Variants in CHST3 observed in about 807,000 individuals in gnomAD.
The protein encoded by CHST3 is C6ST-1.
A neutral mutation model predicts 35.4 loss-of-function variants in CHST3; 20 were observed. That is an observed-to-expected ratio of 0.57 (90% CI 0.40 to 0.82). The LOEUF (loss-of-function observed/expected upper bound fraction) is 0.82, where lower values mean the gene tolerates loss of function less well. Among genes scored for constraint, CHST3 ranks in the 40% least tolerant of loss-of-function variants. The pLI, the probability that CHST3 is intolerant of heterozygous loss-of-function variation, is 0.00. For missense variants in CHST3, 693 were observed against 670.1 expected (o/e 1.03, Z -0.38); for synonymous variants, 334 against 295.9 (o/e 1.13, Z -1.32).
intron 1 of CHST3, among the ~76,000 whole-genome samples, chr10:71,971,495 C>G (rs1309069318): frequency 1.3e-5 from 2 of 152,194 alleles, no homozygotes; most frequent in Non-Finnish European, 2.9e-5. Flanking sequence ...GTGCCTGTGC[C>G]AGCCCCAGCC....
At chr10:71,991,762 G>A (rs963903723) in intron 1 of CHST3, among the ~76,000 whole-genome samples, 8 of 152,046 alleles carry the variant, frequency 5.3e-5, no homozygotes, top group East Asian at 3.9e-4. Context: ...GTGAAACCCC[G>A]TCACTACTAA....
rs781152270 is a variant in CHST3, at chr10:72,008,239, A to G, written c.1208A>G (p.Lys403Arg). Residue 403 changes from lysine (K) to arginine (R), a missense_variant, in exon 3 of 3, where the codon AAG becomes AGG. Lys to Arg is a conservative substitution (Grantham distance 26). Transcript: ENST00000373115. ...LTPQVEDWIQKNTQAAHDGSG... is the reference protein window; with the variant it reads ...LTPQVEDWIQRNTQAAHDGSG... Reference sequence around the variant, plus strand: ...CCGCAGGTGGAAGACTGGATCCAAAAGAACACGCAGGCGGCCCACGACGGC... The same window carrying G: ...CCGCAGGTGGAAGACTGGATCCAAAGGAACACGCAGGCGGCCCACGACGGC... The G allele has an allele frequency of 1.9e-6, 3 of 1,568,342 alleles. No individual in the cohort carries two copies. The highest frequency in any genetic ancestry group is 2.6e-6 in the Non-Finnish European group (3 of 1,156,888).
Position 72,009,097 on chromosome 10 carries a change from A to G in CHST3, c.*626A>G, listed in dbSNP as rs1487606866. The G allele has an allele frequency of 6.6e-6, 1 of 152,586 alleles. No individual in the cohort carries two copies. The highest frequency in any genetic ancestry group is 6.5e-5 in the Admixed American group (1 of 15,310). 9.5% of individuals were successfully genotyped at this position (152,586 alleles called of 1,614,324 possible). On this transcript the variant is annotated 3_prime_UTR_variant, in exon 3 of 3. Coordinates refer to ENST00000373115, the MANE Select transcript of CHST3 (RefSeq NM_004273.5). The stretch of plus-strand genomic sequence containing the variant: ...AGAGCTGCAAAACACACACATGCGT[A>G]TAGACATACATACATGTACACCATA...
chr10:71,999,557 C>T (rs1839972202), intron 1 of CHST3, among the ~76,000 whole-genome samples: 1 of 152,214 alleles, frequency 6.6e-6, no homozygotes, highest in African/African-American at 2.4e-5. Context: ...CCACCCCACC[C>T]CACTGTGCTC....
intron 1 of CHST3, among the ~76,000 whole-genome samples, chr10:71,973,116 G>A (rs532102351): frequency 6.6e-6 from 1 of 152,342 alleles, no homozygotes; most frequent in South Asian, 2.1e-4. Flanking sequence ...GTGAGGGAGC[G>A]CTTCGAGTCT....
chr10:72,000,735 A>G (rs1839985028), intron 1 of CHST3, among the ~76,000 whole-genome samples: 1 of 151,996 alleles, frequency 6.6e-6, no homozygotes, highest in Admixed American at 6.5e-5. Flanking sequence ...TGCCTCCGAG[A>G]AGTTTCCATG....
chr10:71,989,953 G>A (rs1222902426), intron 1 of CHST3, among the ~76,000 whole-genome samples: 1 of 152,208 alleles, frequency 6.6e-6, no homozygotes, highest in African/African-American at 2.4e-5. Flanking sequence ...ACTGATAAAT[G>A]TACCTAACAT....
At chr10:71,966,410 G>A (rs1839632660) in intron 1 of CHST3, among the ~76,000 whole-genome samples, 1 of 152,162 alleles carries the variant, frequency 6.6e-6, no homozygotes, top group South Asian at 2.1e-4. Context: ...CGTGTTCCTG[G>A]AACTGGATTG....
intron 1 of CHST3, among the ~76,000 whole-genome samples, chr10:71,972,969 G>A (rs1315576415): frequency 6.6e-6 from 1 of 152,200 alleles, no homozygotes; most frequent in Non-Finnish European, 1.5e-5. Flanking sequence ...GATGTGCAAG[G>A]GCAGGACAGC....
At chr10:71,966,136 G>A (rs1002646175) in intron 1 of CHST3, among the ~76,000 whole-genome samples, 8 of 152,254 alleles carry the variant, frequency 5.3e-5, no homozygotes, top group African/African-American at 1.9e-4. Context: ...AGTGGAGAAA[G>A]AGATGGGCCG....
chr10:72,005,188 A>G (rs544521663), intron 1 of CHST3, among the ~76,000 whole-genome samples: 1 of 152,322 alleles, frequency 6.6e-6, no homozygotes, highest in East Asian at 1.9e-4. Flanking sequence ...CAAACATTCT[A>G]TAATTCACAG....
At chr10:71,965,038 C>T (rs894517410) in intron 1 of CHST3, among the ~76,000 whole-genome samples, 9 of 152,192 alleles carry the variant, frequency 5.9e-5, no homozygotes, top group African/African-American at 2.2e-4. Flanking sequence ...ACAGCAGGCA[C>T]GTCCTCACAC....
chr10:71,968,026 C>T (rs1180262152), intron 1 of CHST3, among the ~76,000 whole-genome samples: 1 of 150,990 alleles, frequency 6.6e-6, no homozygotes, highest in Non-Finnish European at 1.5e-5. Flanking sequence ...CCATGTTGGC[C>T]AGAATGGTCT....
chr10:71,967,094 C>G (rs1839638852), intron 1 of CHST3, among the ~76,000 whole-genome samples: 1 of 152,178 alleles, frequency 6.6e-6, no homozygotes, highest in South Asian at 2.1e-4. Context: ...CCTCGACCTC[C>G]TGGACTCAGG....
At chr10:72,004,304 C>G (rs890636046) in intron 1 of CHST3, among the ~76,000 whole-genome samples, 6 of 152,160 alleles carry the variant, frequency 3.9e-5, no homozygotes, top group African/African-American at 1.4e-4. Flanking sequence ...GATGAACTCC[C>G]TGTCCTGCCT....
rs1423793909 is a variant in CHST3 at position 72,011,695 on chromosome 10, T to C, written c.*3224T>C. ...CAGCAATGAGTGTTTACTCATGTTCTTTCTTGTTGATGAGTTCTGCGGCCC... is the reference window on the plus strand; with the variant it reads ...CAGCAATGAGTGTTTACTCATGTTCCTTCTTGTTGATGAGTTCTGCGGCCC... On this transcript the variant is annotated 3_prime_UTR_variant, in exon 3 of 3. Coordinates refer to ENST00000373115, the MANE Select transcript of CHST3 (RefSeq NM_004273.5). 6.6e-6 allele frequency: 1 copy of C among 152,264 alleles called. No homozygotes were observed. Among genetic ancestry groups the C allele is most frequent in the Non-Finnish European group, 1.5e-5 (1 of 68,050 alleles). The allele number at this position is 152,264 out of a possible 1,614,324, so 9.4% of individuals were successfully genotyped here.
intron 1 of CHST3, among the ~76,000 whole-genome samples, chr10:71,975,062 G>C (rs1839732460): frequency 6.6e-6 from 1 of 152,206 alleles, no homozygotes; most frequent in African/African-American, 2.4e-5. Flanking sequence ...CTGCTGTTTG[G>C]GTGGGATCAC....
intron 1 of CHST3, among the ~76,000 whole-genome samples, chr10:71,982,294 C>A (rs973800853): frequency 1.3e-5 from 2 of 152,174 alleles, no homozygotes; most frequent in Admixed American, 6.5e-5. Flanking sequence ...TGCTGGTTTG[C>A]AGATGGAGGA....
chr10:71,999,607 T>C (rs1449551558), intron 1 of CHST3, among the ~76,000 whole-genome samples: 1 of 152,000 alleles, frequency 6.6e-6, no homozygotes, highest in East Asian at 1.9e-4. Context: ...TTTTGCTGCC[T>C]GATGCAATGT....
Sources: allele counts gnomAD v4.1 joint callset (sites outside exome capture counted in the v4.1 genomes callset), GRCh38; gene constraint gnomAD v4.1.1; transcripts MANE v1.5; gene names NCBI Gene and HGNC (gene_info 2026-07-23, HGNC 2026-07-21).